Variants in GRB10 observed in about 807,000 individuals in gnomAD.
GRB10 encodes growth factor receptor-bound protein 10.
Under a neutral mutation model 80.9 loss-of-function variants are expected in GRB10, and 20 were observed. The observed-to-expected ratio is 0.25, with a 90% CI of 0.17 to 0.36. The LOEUF (loss-of-function observed/expected upper bound fraction) is 0.36, where lower values mean the gene tolerates loss of function less well. Among genes scored for constraint, GRB10 ranks in the 10% least tolerant of loss-of-function variants. The probability of loss-of-function intolerance (pLI) is 1.00; values close to 1 mark genes in which losing one functional copy is unlikely to be tolerated. For synonymous variants in GRB10, 291 were observed against 291.5 expected (o/e 1.00, Z 0.02); for missense variants, 548 against 747.7 (o/e 0.73, Z 3.12).
intron 13 of GRB10, chr7:50,606,716 A>G (rs1005824356): frequency 1.3e-5 from 5 of 391,014 alleles, no homozygotes; most frequent in African/African-American, 1.0e-4. Context: ...TATTTCGTAT[A>G]TGTATTCTAC....
intron 5 of GRB10, among the ~76,000 whole-genome samples, chr7:50,680,970 C>T (rs1007035669): frequency 3.9e-5 from 6 of 152,074 alleles, no homozygotes; most frequent in African/African-American, 1.4e-4. Flanking sequence ...GATCCAGGGC[C>T]CTACTCAACA....
chr7:50,701,625 G>A lies in GRB10; in HGVS notation c.139+2196C>T, dbSNP rs542550131. ...AAATAATAATCATTCGTTTGGTGAA[G>A]ACTACCAGTGACACATTTTTTTCTC... On this transcript the variant is annotated intron_variant, in intron 5 of 18. Transcript: ENST00000401949. Among the ~76,000 whole-genome samples, 70 of 152,314 alleles carry A rather than the reference G, an allele frequency of 4.6e-4. 1 individual carries two copies. Among genetic ancestry groups the A allele is most frequent in the Middle Eastern group, 6.8e-3 (2 of 294 alleles).
intron 7 of GRB10, among the ~76,000 whole-genome samples, chr7:50,639,391 G>A (rs1028452676): frequency 6.6e-6 from 1 of 152,182 alleles, no homozygotes; most frequent in African/African-American, 2.4e-5. Context: ...GTCAAGCATG[G>A]TTTGCCAGGC....
chr7:50,605,997 C>G (rs567382875), intron 14 of GRB10, among the ~76,000 whole-genome samples: 1 of 152,312 alleles, frequency 6.6e-6, no homozygotes, highest in South Asian at 2.1e-4. Flanking sequence ...CCATGGGTCC[C>G]AAGGTTTAAG....
chr7:50,632,778 C>T (rs1248826542), intron 7 of GRB10, among the ~76,000 whole-genome samples: 2 of 152,156 alleles, frequency 1.3e-5, no homozygotes, highest in South Asian at 2.1e-4. Flanking sequence ...ATCCCAGTTG[C>T]TCCTCCTACT....
At chr7:50,669,677 T>A in intron 7 of GRB10, 45 bp downstream of exon 7, 1 of 1,583,294 alleles carries the variant, frequency 6.3e-7, no homozygotes, top group Non-Finnish European at 8.6e-7. Flanking sequence ...ATCCCAATAA[T>A]CTGGCATATC....
At chr7:50,791,880 T>A (rs565750167) in intron 1 of GRB10, among the ~76,000 whole-genome samples, 10 of 150,788 alleles carry the variant, frequency 6.6e-5, no homozygotes, top group Admixed American at 3.4e-4. Flanking sequence ...CTTAAAATAC[T>A]CTCCTAAAAG....
At chr7:50,604,441 G>T in intron 15 of GRB10, 64 bp from the exon 16 acceptor site, 1 of 1,379,978 alleles carries the variant, frequency 7.2e-7, no homozygotes, top group Non-Finnish European at 1.0e-6. Context: ...CACCCAATAT[G>T]TCCAAGCTCA....
At chr7:50,772,416 C>T (rs1368967095) in intron 2 of GRB10, among the ~76,000 whole-genome samples, 1 of 152,174 alleles carries the variant, frequency 6.6e-6, no homozygotes, top group Non-Finnish European at 1.5e-5. Flanking sequence ...AACATTCCAC[C>T]AAGGCAAGGG....
chr7:50,597,653 G>A (rs145815443), intron 17 of GRB10, among the ~76,000 whole-genome samples: 87 of 152,352 alleles, frequency 5.7e-4, no homozygotes, highest in African/African-American at 2.0e-3. Context: ...CCCCTGAGAG[G>A]GGCAGGCTCA....
intron 17 of GRB10, among the ~76,000 whole-genome samples, chr7:50,596,076 A>G (rs577494593): frequency 6.6e-6 from 1 of 152,212 alleles, no homozygotes; most frequent in Non-Finnish European, 1.5e-5. Context: ...GTATTCAAAA[A>G]CTACCCTTTG....
At chr7:50,593,623 A>G (rs909494538) in intron 18 of GRB10, among the ~76,000 whole-genome samples, 2 of 152,156 alleles carry the variant, frequency 1.3e-5, no homozygotes, top group Non-Finnish European at 2.9e-5. Flanking sequence ...AATATGGGGC[A>G]GTTATTTTTA....
intron 7 of GRB10, among the ~76,000 whole-genome samples, chr7:50,647,520 G>C (rs80060646): frequency 6.6e-6 from 1 of 152,214 alleles, no homozygotes; most frequent in African/African-American, 2.4e-5. Context: ...GCTGGGATTC[G>C]GGTCTGGAAT....
At chr7:50,699,907 G>A (rs1377870240) in intron 5 of GRB10, among the ~76,000 whole-genome samples, 6 of 152,046 alleles carry the variant, frequency 3.9e-5, no homozygotes, top group Non-Finnish European at 5.9e-5. Flanking sequence ...AGGCCGAGGC[G>A]GGCAGATCAC....
chr7:50,766,051 T>C (rs2076311768), intron 2 of GRB10, among the ~76,000 whole-genome samples: 1 of 152,188 alleles, frequency 6.6e-6, no homozygotes. Flanking sequence ...CCATGAGAAG[T>C]GAAGTGAGAA....
chr7:50,691,007 G>A (rs866194408), intron 5 of GRB10, among the ~76,000 whole-genome samples: 1 of 152,042 alleles, frequency 6.6e-6, no homozygotes, highest in Non-Finnish European at 1.5e-5. Flanking sequence ...TAACACACTG[G>A]GGCAAAACAA....
chr7:50,755,942 TGA>T lies in GRB10; in HGVS notation c.-104_-103del, dbSNP rs1464390715. On this transcript the variant is annotated 5_prime_UTR_variant, in exon 3 of 19. Transcript: ENST00000401949. ...GCTGGGGCGGCCACCCTGGCTTCAC[TGA>T]GAGGACCCAGGTGAGGACCTGGCTG... The T allele has an allele frequency of 2.3e-5, 9 of 398,736 alleles. No homozygotes were observed. Among genetic ancestry groups the T allele is most frequent in the Non-Finnish European group, 3.5e-5 (8 of 226,290 alleles). 24.7% of individuals were successfully genotyped at this position (398,736 alleles called of 1,614,324 possible).
At chr7:50,695,183 A>G (rs889962433) in intron 5 of GRB10, among the ~76,000 whole-genome samples, 1 of 152,212 alleles carries the variant, frequency 6.6e-6, no homozygotes, top group Non-Finnish European at 1.5e-5. Context: ...CAAGAAAAAT[A>G]CTCAGAGTGA....
rs966976116 is a variant in GRB10 at position 50,657,887 on chromosome 7, CT to C, written c.504+11834del. Among the ~76,000 whole-genome samples, 524 of 150,302 alleles carry C rather than the reference CT, an allele frequency of 3.5e-3. 3 individuals are homozygous for C. The highest frequency in any genetic ancestry group is 0.024 in the Middle Eastern group (7 of 292). On this transcript the variant is annotated intron_variant, in intron 7 of 18. Coordinates refer to ENST00000401949, the MANE Select transcript of GRB10 (RefSeq NM_001350814.2). The stretch of plus-strand genomic sequence containing the variant: ...TTTCACTTGGTTTCCTCCACTAATT[CT>C]TTTTTTTTTCTTTTTTACATTTTTA...
Sources: gnomAD v4.1 joint callset for allele counts (sites outside exome capture counted in the v4.1 genomes callset) on GRCh38, gnomAD v4.1.1 for gene constraint, MANE v1.5 for transcripts, NCBI Gene and HGNC (gene_info 2026-07-23, HGNC 2026-07-21) for gene names.